The following TRAF3IP2 variants were observed in gnomAD, a reference collection of about 807,000 sequenced individuals.
TRAF3IP2 encodes the protein E3 ubiquitin ligase TRAF3IP2.
TRAF3IP2 carries 35 observed loss-of-function variants against 57.9 expected under a neutral mutation model. The observed-to-expected ratio is 0.60, with a 90% CI of 0.46 to 0.80. The LOEUF (loss-of-function observed/expected upper bound fraction) is 0.80, where lower values mean the gene tolerates loss of function less well. Among genes scored for constraint, TRAF3IP2 ranks in the 30% least tolerant of loss-of-function variants. The probability of loss-of-function intolerance (pLI) is 0.00; values close to 1 mark genes in which losing one functional copy is unlikely to be tolerated. For missense variants in TRAF3IP2, 556 were observed against 706.4 expected (o/e 0.79, Z 2.41); for synonymous variants, 251 against 268.9 (o/e 0.93, Z 0.65).
chr6:111,559,663 C>T, intron 8 of TRAF3IP2, 112 bp from the exon 9 acceptor site: 2 of 1,250,032 alleles, frequency 1.6e-6, no homozygotes, highest in Non-Finnish European at 2.2e-6. Flanking sequence ...CGTTTCCTAC[C>T]AAACTATCCT....
At chr6:111,587,090 C>T (rs1796361466) in intron 2 of TRAF3IP2, 1 of 152,154 alleles carries the variant, frequency 6.6e-6, no homozygotes, top group Non-Finnish European at 1.5e-5. Flanking sequence ...CCCTGACCCT[C>T]TTCTCTGTGG....
At position 111,575,754 on chromosome 6, in the gene TRAF3IP2, C is replaced by T; in HGVS notation, c.1090G>A (p.Glu364Lys). The T allele has an allele frequency of 6.2e-7, 1 of 1,611,826 alleles. No homozygotes were observed. The highest frequency in any genetic ancestry group is 8.5e-7 in the Non-Finnish European group (1 of 1,179,312). ...GGCTGGGGAACCTGTGGTCTCAGCT[C>T]TGCAGGGCACTCCAAGGACTCCCCA... Reference protein sequence around the residue: ...APGESLECPAELRPQVPQPPS... With the variant: ...APGESLECPAKLRPQVPQPPS... The change falls in exon 4 of 9, where the codon GAG becomes AAG. Residue 364 changes from glutamate (E) to lysine (K), a missense_variant. Glu to Lys is a moderately conservative substitution (Grantham distance 56, BLOSUM62 1). Around this residue, in one of 2 missense-constraint regions of TRAF3IP2, gnomAD observed 428 missense variants for 498.7 expected, o/e 0.86. Transcript: ENST00000368761.
rs962191380 is a variant in TRAF3IP2, at chr6:111,566,368, G to T, written c.1476+76C>A. On this transcript the variant is annotated intron_variant, in intron 7 of 8. Coordinates refer to ENST00000368761, the MANE Select transcript of TRAF3IP2 (RefSeq NM_147686.4). ...CATGCTGCCTTCAGCTGGTCTCTGG[G>T]GAAGAATGGGACTTCCCTGGACAAG... 1.1e-5 allele frequency: 13 copies of T among 1,179,416 alleles called. No homozygotes were observed. The African/African-American group carries it at 2.0e-4, about 18-fold the overall frequency. 73.1% of individuals were successfully genotyped at this position (1,179,416 alleles called of 1,614,324 possible). A position where few individuals can be genotyped will look rare whatever the true frequency, so the allele number is the denominator to read the frequency against.
Position 111,557,935 on chromosome 6 carries a change from ACTTGAACC to A in TRAF3IP2, c.*1462_*1469del, listed in dbSNP as rs1436446187. 2.0e-5 allele frequency: 3 copies of A among 152,064 alleles called. No homozygotes were observed. The highest frequency in any genetic ancestry group is 7.2e-5 in the African/African-American group (3 of 41,508). The allele number at this position is 152,064 out of a possible 1,614,324, so 9.4% of individuals were successfully genotyped here. A position where few individuals can be genotyped will look rare whatever the true frequency, so the allele number is the denominator to read the frequency against. On this transcript the variant is annotated 3_prime_UTR_variant, in exon 9 of 9. Transcript: ENST00000368761. Reference sequence around the variant, plus strand: ...CTTGGGAGGTTGAGGCAGAAGAATCACTTGAACCCAGGAGGCGCAGGTTGCAGTGAGCC... The same window carrying A: ...CTTGGGAGGTTGAGGCAGAAGAATCACAGGAGGCGCAGGTTGCAGTGAGCC...
chr6:111,559,403 T>C lies in TRAF3IP2; in HGVS notation c.*2A>G. The C allele has an allele frequency of 1.2e-6, 2 of 1,612,722 alleles. No individual in the cohort carries two copies. Among genetic ancestry groups the C allele is most frequent in the African/African-American group, 1.3e-5 (1 of 75,010 alleles). ...GCCTCAGTGATCTGGGGATGAACGG[T>C]GTCACAAGGGAACCACCTGAAGGGT... On this transcript the variant is annotated 3_prime_UTR_variant, in exon 9 of 9. Coordinates refer to ENST00000368761, the MANE Select transcript of TRAF3IP2 (RefSeq NM_147686.4).
chr6:111,592,141 C>A (rs1240810961), intron 1 of TRAF3IP2, 47 bp from the exon 2 acceptor site: 1 of 1,509,624 alleles, frequency 6.6e-7, no homozygotes, highest in Admixed American at 1.9e-5. Context: ...CAGATAAATT[C>A]TTGGAGTCCT....
chr6:111,590,510 G>A (rs182905291), intron 2 of TRAF3IP2, among the ~76,000 whole-genome samples: 68 of 152,158 alleles, frequency 4.5e-4, no homozygotes, highest in African/African-American at 1.6e-3. Flanking sequence ...ATGGGTTAAG[G>A]GTAAACCTTG....
chr6:111,558,434 T>G lies in TRAF3IP2; in HGVS notation c.*971A>C, dbSNP rs1324858595. 1 of 152,182 alleles carries G rather than the reference T, an allele frequency of 6.6e-6. No homozygotes were observed. The highest frequency in any genetic ancestry group is 2.4e-5 in the African/African-American group (1 of 41,424). 9.4% of individuals were successfully genotyped at this position (152,182 alleles called of 1,614,324 possible). On this transcript the variant is annotated 3_prime_UTR_variant, in exon 9 of 9. Transcript: ENST00000368761. ...TTTTGTTAAAAATGGGTGTTTTTAT[T>G]TGTTTGTTTGTTTTTTGAGACGGAG...
intron 5 of TRAF3IP2, among the ~76,000 whole-genome samples, chr6:111,568,773 C>T (rs1031284798): frequency 6.6e-6 from 1 of 152,180 alleles, no homozygotes. Flanking sequence ...CTTTTCCTCA[C>T]ATATCCTGTC....
chr6:111,594,063 G>A (rs1006608827), intron 1 of TRAF3IP2, among the ~76,000 whole-genome samples: 2 of 148,258 alleles, frequency 1.3e-5, no homozygotes, highest in Non-Finnish European at 3.0e-5. Context: ...CCTGGGAGGT[G>A]GAGGTTGCAG....
intron 3 of TRAF3IP2, among the ~76,000 whole-genome samples, chr6:111,579,348 G>A (rs543155178): frequency 1.3e-4 from 19 of 146,808 alleles, no homozygotes; most frequent in African/African-American, 4.8e-4. Flanking sequence ...AAAGATTGAA[G>A]AGTTAGACAA....
intron 8 of TRAF3IP2, 46 bp from the exon 9 acceptor site, chr6:111,559,597 C>G: frequency 6.3e-7 from 1 of 1,594,886 alleles, no homozygotes; most frequent in South Asian, 1.1e-5. Flanking sequence ...AGAGAAAAAC[C>G]TGGATGCCAG....
intron 2 of TRAF3IP2, among the ~76,000 whole-genome samples, chr6:111,588,033 C>T (rs1796393337): frequency 6.6e-6 from 1 of 152,176 alleles, no homozygotes; most frequent in Non-Finnish European, 1.5e-5. Context: ...GGAGATTGCA[C>T]CAATTTACAC....
chr6:111,603,267 T>C (rs1381852752), intron 1 of TRAF3IP2, among the ~76,000 whole-genome samples: 1 of 152,166 alleles, frequency 6.6e-6, no homozygotes, highest in Non-Finnish European at 1.5e-5. Flanking sequence ...TGACAACGCA[T>C]TGGGAAGAAA....
Position 111,556,097 on chromosome 6 carries a change from C to T in TRAF3IP2, c.*3308G>A, listed in dbSNP as rs1411438287. ...TAGCCTGGGTGACAGAGCGAGACTA[C>T]GTCTCAAAAAAAAAAAAAAAAAAAT... is the stretch of plus-strand genomic sequence containing the variant. On this transcript the variant is annotated 3_prime_UTR_variant, in exon 9 of 9. Coordinates refer to ENST00000368761, the MANE Select transcript of TRAF3IP2 (RefSeq NM_147686.4). Among the ~76,000 whole-genome samples, 8 of 83,440 alleles carry T rather than the reference C, an allele frequency of 9.6e-5. No individual in the cohort carries two copies. The highest frequency in any genetic ancestry group is 5.6e-4 in the Admixed American group (4 of 7,118). The allele number at this position is 83,440 out of a possible 152,430, so 54.7% of individuals were successfully genotyped here. A position where few individuals can be genotyped will look rare whatever the true frequency, so the allele number is the denominator to read the frequency against.
At chr6:111,571,865 A>G (rs909198988) in intron 5 of TRAF3IP2, among the ~76,000 whole-genome samples, 1 of 151,862 alleles carries the variant, frequency 6.6e-6, no homozygotes, top group South Asian at 2.1e-4. Flanking sequence ...CAGTGAGCCA[A>G]GATCACACCA....
Position 111,558,377 on chromosome 6 carries a change from TTAGAA to T in TRAF3IP2, c.*1023_*1027del, listed in dbSNP as rs1795315457. Reference sequence around the variant, plus strand: ...ATCCTGAGAACCATAATCATACTATTTAGAATCATGGCTGTATGCTATATAAAGTT... The same window carrying T: ...ATCCTGAGAACCATAATCATACTATTTCATGGCTGTATGCTATATAAAGTT... On this transcript the variant is annotated 3_prime_UTR_variant, in exon 9 of 9. Transcript: ENST00000368761. The T allele has an allele frequency of 6.6e-6, 1 of 152,220 alleles. No individual in the cohort carries two copies. The highest frequency in any genetic ancestry group is 6.5e-5 in the Admixed American group (1 of 15,282). 9.4% of individuals were successfully genotyped at this position (152,220 alleles called of 1,614,324 possible).
rs965438380 is a variant in TRAF3IP2, at chr6:111,595,696, C to T, written c.-8-3602G>A. On this transcript the variant is annotated intron_variant, in intron 1 of 8. Coordinates refer to ENST00000368761, the MANE Select transcript of TRAF3IP2 (RefSeq NM_147686.4). ...TACAAAAATTAGCCGGGCATGATGG[C>T]AGGCACCTGTAATCCCAGCTACTCC... is the stretch of plus-strand genomic sequence containing the variant. 4.9e-4 allele frequency among the ~76,000 whole-genome samples: 74 copies of T among 152,168 alleles called. 1 individual carries two copies. The Middle Eastern group carries it at 0.017, about 35-fold the overall frequency.
intron 6 of TRAF3IP2, chr6:111,567,359 A>G (rs1054945552): frequency 5.0e-6 from 6 of 1,202,886 alleles, no homozygotes; most frequent in Non-Finnish European, 6.2e-6. Context: ...CTTCTTTCCT[A>G]TTCTCGTCAA....
Sources: gnomAD v4.1 joint callset for allele counts (sites outside exome capture counted in the v4.1 genomes callset) on GRCh38, gnomAD v4.1.1 for gene constraint, gnomAD v4.1.1 regional missense constraint, MANE v1.5 for transcripts, NCBI Gene and HGNC (gene_info 2026-07-23, HGNC 2026-07-21) for gene names.